Variants in TMEM67 observed in about 807,000 individuals in gnomAD.
The protein encoded by TMEM67 is meckelin.
Under a neutral mutation model 136.6 loss-of-function variants are expected in TMEM67, and 124 were observed. The observed-to-expected ratio is 0.91, with a 90% CI of 0.78 to 1.05. TMEM67 has a LOEUF of 1.05. Among genes scored for constraint, TMEM67 ranks in the 50% least tolerant of loss-of-function variants. The pLI is 0.00. For synonymous variants in TMEM67, 364 were observed against 390.5 expected (o/e 0.93, Z 0.80); for missense variants, 1,107 against 1,178.4 (o/e 0.94, Z 0.89).
At chr8:93,799,903 T>TA in intron 21 of TMEM67, 145 bp downstream of exon 21, 33 of 554,806 alleles carry the variant, frequency 5.9e-5, no homozygotes, top group Admixed American at 7.4e-5. Context: ...AATGGTCAGT[T>TA]CTTTTTTTTT....
At chr8:93,831,193 T>A in the TMEM67 span, among the ~76,000 whole-genome samples, 2 of 152,320 alleles carry the variant, frequency 1.3e-5, no homozygotes, top group East Asian at 3.9e-4. Context: ...CCCATGTGAG[T>A]GGACCAGGCC....
intron 15 of TMEM67, among the ~76,000 whole-genome samples, chr8:93,792,938 A>T (rs1273273094): frequency 1.3e-5 from 2 of 151,798 alleles, no homozygotes; most frequent in African/African-American, 4.8e-5. Flanking sequence ...ATGCCCAGCT[A>T]ATTTTTTGTA....
intron 16 of TMEM67, among the ~76,000 whole-genome samples, chr8:93,793,535 A>C (rs1034318453): frequency 6.6e-6 from 1 of 152,192 alleles, no homozygotes; most frequent in Non-Finnish European, 1.5e-5. Context: ...ATACTTGGCA[A>C]CACTTGATAT....
chr8:93,815,564 G>T (rs1808874362), intron 27 of TMEM67, 117 bp downstream of exon 27: 1 of 975,394 alleles, frequency 1.0e-6, no homozygotes, highest in South Asian at 1.5e-5. Context: ...TTTTGTAAAG[G>T]TTTAGAATAT....
intron 26 of TMEM67, among the ~76,000 whole-genome samples, chr8:93,814,795 ATC>A (rs1808844262): frequency 6.6e-6 from 1 of 151,854 alleles, no homozygotes; most frequent in Admixed American, 6.6e-5. Flanking sequence ...CCTCATCATA[ATC>A]TTTTTAAAAG....
chr8:93,757,253 GTGTT>G (rs1364880809), intron 2 of TMEM67: 1 of 152,026 alleles, frequency 6.6e-6, no homozygotes, highest in Non-Finnish European at 1.5e-5. Flanking sequence ...GGTTACATCT[GTGTT>G]TGTAATTATT....
rs1467318298 is a variant in TMEM67 at position 93,797,134 on chromosome 8, G to A, written c.1861G>A (p.Ala621Thr). 1 of 1,584,118 alleles carries A rather than the reference G, an allele frequency of 6.3e-7. No individual in the cohort carries two copies. Among genetic ancestry groups the A allele is most frequent in the Non-Finnish European group, 8.7e-7 (1 of 1,153,778 alleles). The change falls in exon 19 of 28, where the codon GCA becomes ACA. Residue 621 changes from alanine (A) to threonine (T), a missense_variant and splice_region_variant. Around this residue, in one of 3 missense-constraint regions of TMEM67, gnomAD observed 925 missense variants for 1,002.4 expected, o/e 0.92. Transcript: ENST00000453321. ...GTGTTTTATTATATGTCATTCTCAG[G>A]CACTACAATTTTTGCATAAGCTCAT... The part of the protein sequence containing the change: ...TYVGCAFALK[A>T]LQFLHKLISQ...
At chr8:93,765,681 A>G in intron 6 of TMEM67, 35 bp downstream of exon 6, 1 of 1,425,128 alleles carries the variant, frequency 7.0e-7, no homozygotes, top group East Asian at 2.3e-5. Context: ...TCTGTTGTTA[A>G]AAAACTTTCT....
At chr8:93,760,117 C>A in intron 3 of TMEM67, 1 of 576,750 alleles carries the variant, frequency 1.7e-6, no homozygotes, top group Non-Finnish European at 2.5e-6. Flanking sequence ...TTTAAAGGAC[C>A]CTAATAAATT....
At chr8:93,778,758 C>G (rs1372578664) in intron 7 of TMEM67, among the ~76,000 whole-genome samples, 2 of 152,118 alleles carry the variant, frequency 1.3e-5, no homozygotes, top group Non-Finnish European at 2.9e-5. Context: ...TGTGGGTAAC[C>G]CAACCTTTCT....
chr8:93,773,831 T>A (rs1813421841), intron 7 of TMEM67, among the ~76,000 whole-genome samples: 1 of 152,170 alleles, frequency 6.6e-6, no homozygotes, highest in Admixed American at 6.5e-5. Context: ...GGTTTTTTAA[T>A]GTCATGCTAT....
In TMEM67 at chr8:93,816,506, A is replaced by G; in HGVS notation, c.*54A>G. Reference sequence around the variant, plus strand: ...GTATAATCATGGCCAAAAAAAAGTCATGATATCAGGTTAGTTTGCCATATT... The same window carrying G: ...GTATAATCATGGCCAAAAAAAAGTCGTGATATCAGGTTAGTTTGCCATATT... On this transcript the variant is annotated 3_prime_UTR_variant, in exon 28 of 28. Coordinates refer to ENST00000453321, the MANE Select transcript of TMEM67 (RefSeq NM_153704.6). The G allele has an allele frequency of 1.0e-6, 1 of 987,378 alleles. No homozygotes were observed. The highest frequency in any genetic ancestry group is 1.6e-6 in the Non-Finnish European group (1 of 623,282). The allele number at this position is 987,378 out of a possible 1,614,324, so 61.2% of individuals were successfully genotyped here. A position where few individuals can be genotyped will look rare whatever the true frequency, so the allele number is the denominator to read the frequency against.
At chr8:93,831,217 C>T in the TMEM67 span, among the ~76,000 whole-genome samples, 1 of 152,194 alleles carries the variant, frequency 6.6e-6, no homozygotes, top group African/African-American at 2.4e-5. Context: ...CTTTGAGCCC[C>T]TTTAAGTGAA....
At position 93,804,583 on chromosome 8, in the gene TMEM67, T is replaced by A. The variant is rs538182177; in HGVS notation, c.2323-179T>A. Among the ~76,000 whole-genome samples, 35 of 137,810 alleles carry A rather than the reference T, an allele frequency of 2.5e-4. No homozygotes were observed. The South Asian group carries it at 6.4e-3, about 25-fold the overall frequency. 90.4% of individuals were successfully genotyped at this position (137,810 alleles called of 152,430 possible). On this transcript the variant is annotated intron_variant, in intron 22 of 27. Transcript: ENST00000453321. ...ATCTTCAATCTCTTTTTCAAACATT[T>A]AAAAAAAAAAAAAACACAAACCTTA...
intron 23 of TMEM67, among the ~76,000 whole-genome samples, chr8:93,808,418 G>A (rs1202176404): frequency 1.9e-4 from 2 of 10,428 alleles, no homozygotes; most frequent in African/African-American, 3.2e-4. Flanking sequence ...CTCTATTATA[G>A]ATATATATTT....
intron 2 of TMEM67, among the ~76,000 whole-genome samples, chr8:93,758,244 G>C (rs1812669596): frequency 6.6e-6 from 1 of 152,186 alleles, no homozygotes; most frequent in South Asian, 2.1e-4. Context: ...CTGAAGAAGA[G>C]AGAACTATTA....
At chr8:93,825,785 C>T in the TMEM67 span, among the ~76,000 whole-genome samples, 88 of 152,226 alleles carry the variant, frequency 5.8e-4, no homozygotes, top group Middle Eastern at 6.8e-3. Context: ...TCTGCATATG[C>T]GTTGTAGAAA....
At chr8:93,789,536 T>C (rs1814273327) in intron 14 of TMEM67, among the ~76,000 whole-genome samples, 1 of 151,384 alleles carries the variant, frequency 6.6e-6, no homozygotes, top group Non-Finnish European at 1.5e-5. Context: ...TCCCAGCTGC[T>C]TGGGAAGCTG....
At chr8:93,795,784 G>A (rs375919490) in intron 17 of TMEM67, 117 bp from the exon 18 acceptor site, 33 of 772,556 alleles carry the variant, frequency 4.3e-5, no homozygotes, top group East Asian at 2.1e-4. Flanking sequence ...AGTCCTGCCC[G>A]GGCAGCATAC....
Sources: gnomAD v4.1 joint callset for allele counts (sites outside exome capture counted in the v4.1 genomes callset) on GRCh38, gnomAD v4.1.1 for gene constraint, gnomAD v4.1.1 regional missense constraint, MANE v1.5 for transcripts, NCBI Gene and HGNC (gene_info 2026-07-23, HGNC 2026-07-21) for gene names.